Variants in KLHL13 observed in about 807,000 individuals in gnomAD.
The protein encoded by KLHL13 is kelch like family member 13, also known as kelch-like protein 13.
A neutral mutation model predicts 37.1 loss-of-function variants in KLHL13; 10 were observed. The ratio of observed to expected loss-of-function variants is 0.27; its 90% CI spans 0.17 to 0.46. KLHL13 has a LOEUF of 0.46. KLHL13 is among the 20% of genes least tolerant of loss of function. The pLI is 1.00. For missense variants in KLHL13, 360 were observed against 509.3 expected, an observed-to-expected ratio of 0.71 and a Z score of 2.82; for synonymous variants, 163 against 181.2, an observed-to-expected ratio of 0.90 and a Z score of 0.81.
intron 1 of KLHL13, among the ~76,000 whole-genome samples, chrX:117,998,179 C>T (rs967690009): frequency 9.0e-6 from 1 of 111,465 alleles, no homozygotes; most frequent in Non-Finnish European, 1.9e-5. Flanking sequence ...ACACAGAAAC[C>T]CCATGGGAAG....
intron 2 of KLHL13, among the ~76,000 whole-genome samples, chrX:117,932,885 G>T (rs1425666575): frequency 9.0e-6 from 1 of 111,011 alleles, no homozygotes; most frequent in Non-Finnish European, 1.9e-5. Context: ...GTTATATTTT[G>T]CCTTTTTTAT....
intron 1 of KLHL13, among the ~76,000 whole-genome samples, chrX:118,099,774 TCC>T: frequency 9.4e-6 from 1 of 106,869 alleles, no homozygotes; most frequent in African/African-American, 3.4e-5. Flanking sequence ...GCCACTGCAC[TCC>T]AGCCTGGGTG....
intron 1 of KLHL13, among the ~76,000 whole-genome samples, chrX:118,074,354 T>C: frequency 8.9e-6 from 1 of 112,107 alleles, no homozygotes; most frequent in East Asian, 2.8e-4. Context: ...GACATTCATG[T>C]GTATTTCACC....
At chrX:118,116,866 G>A (rs1342761744), upstream of KLHL13, 1 of 79,626 alleles carries the variant, frequency 1.3e-5, no homozygotes. Flanking sequence ...AGGGGGCAGT[G>A]GGGGGGGGAG....
intron 1 of KLHL13, among the ~76,000 whole-genome samples, chrX:118,013,042 T>C (rs2054087999): frequency 8.9e-6 from 1 of 112,289 alleles, no homozygotes; most frequent in South Asian, 3.7e-4. Context: ...TATTCATTCA[T>C]TCAGCAAATA....
chrX:117,994,739 T>C (rs2053835375), intron 1 of KLHL13, among the ~76,000 whole-genome samples: 1 of 111,956 alleles, frequency 8.9e-6, no homozygotes, highest in East Asian at 2.8e-4. Context: ...TCACATCTCG[T>C]TCAACTTTCA....
chrX:118,000,930 T>C (rs1301141261), intron 1 of KLHL13, among the ~76,000 whole-genome samples: 1 of 112,194 alleles, frequency 8.9e-6, no homozygotes, highest in Non-Finnish European at 1.9e-5. Flanking sequence ...TTCTGAAACA[T>C]ATCTTGTCTC....
chrX:117,974,332 T>C (rs1158807632), upstream of KLHL13, among the ~76,000 whole-genome samples: 1 of 112,106 alleles, frequency 8.9e-6, no homozygotes, highest in Non-Finnish European at 1.9e-5. Flanking sequence ...ATGATTGACA[T>C]GAAAGCAACT....
chrX:118,097,569 G>GA (rs748605929), intron 1 of KLHL13, among the ~76,000 whole-genome samples: 1 of 111,670 alleles, frequency 9.0e-6, no homozygotes, highest in East Asian at 2.8e-4. Flanking sequence ...CACAGAATGG[G>GA]AAAAAACTAC....
chrX:117,934,770 C>A (rs1932690000), intron 2 of KLHL13, among the ~76,000 whole-genome samples: 2 of 110,007 alleles, frequency 1.8e-5, no homozygotes, highest in Non-Finnish European at 3.8e-5. Context: ...TAAAGGATTT[C>A]TTTTTCTTTT....
chrX:118,065,499 C>T (rs1309135754), intron 1 of KLHL13, among the ~76,000 whole-genome samples: 1 of 111,161 alleles, frequency 9.0e-6, no homozygotes, highest in East Asian at 2.8e-4. Flanking sequence ...TACTATCTCT[C>T]CTGGGAATTG....
intron 1 of KLHL13, among the ~76,000 whole-genome samples, chrX:117,984,651 T>A (rs897882732): frequency 1.2e-4 from 13 of 111,477 alleles, no homozygotes; most frequent in African/African-American, 3.2e-4. Flanking sequence ...ACAGTACTAT[T>A]TGAAAGTATA....
intron 1 of KLHL13, among the ~76,000 whole-genome samples, chrX:118,095,191 G>A (rs375364196): frequency 9.0e-6 from 1 of 110,709 alleles, no homozygotes; most frequent in East Asian, 2.8e-4. Context: ...AAGGGATGGA[G>A]GAAGATCTAC....
chrX:118,006,258 T>G (rs1451177575), intron 1 of KLHL13, among the ~76,000 whole-genome samples: 2 of 111,954 alleles, frequency 1.8e-5, no homozygotes, highest in South Asian at 7.5e-4. Context: ...GTTCATCACA[T>G]GGACTGTACA....
At chrX:117,955,299 C>T (rs1414387978) in intron 1 of KLHL13, among the ~76,000 whole-genome samples, 1 of 111,508 alleles carries the variant, frequency 9.0e-6, no homozygotes, top group Non-Finnish European at 1.9e-5. Context: ...TAATTCATGA[C>T]CAGGTCTTAA....
In KLHL13 at chrX:117,929,576, T is replaced by C. The variant is rs756243874; in HGVS notation, c.241-9206A>G. ...CTAACAGACTGAAAAAGAAAAATGC[T>C]AAGATCATTTCTTAATGACTACAGA... On this transcript the variant is annotated intron_variant, in intron 2 of 6. Coordinates refer to ENST00000262820, the Ensembl canonical transcript of KLHL13. 4.1e-4 allele frequency among the ~76,000 whole-genome samples: 45 copies of C among 110,313 alleles called. No homozygotes were observed. In the East Asian group the frequency reaches 0.011, roughly 28 times the overall value.
intron 1 of KLHL13, among the ~76,000 whole-genome samples, chrX:118,036,379 C>T (rs1040078967): frequency 2.7e-5 from 3 of 111,726 alleles, no homozygotes; most frequent in African/African-American, 9.8e-5. Context: ...CAGCATGGTG[C>T]TGGTACCAAA....
chrX:117,949,321 G>GT (rs1257751852), intron 1 of KLHL13, among the ~76,000 whole-genome samples: 9 of 110,428 alleles, frequency 8.2e-5, no homozygotes, highest in African/African-American at 9.9e-5. Context: ...GACAAATGTG[G>GT]TTTTTTTTTA....
intron 1 of KLHL13, among the ~76,000 whole-genome samples, chrX:118,032,925 T>C (rs752088514): frequency 9.0e-6 from 1 of 111,211 alleles, no homozygotes; most frequent in Non-Finnish European, 1.9e-5. Context: ...AACCAAGGCT[T>C]GAGAACTACG....
Sources: allele counts gnomAD v4.1 joint callset (sites outside exome capture counted in the v4.1 genomes callset), GRCh38; gene constraint gnomAD v4.1.1; transcripts MANE v1.5; gene names NCBI Gene and HGNC (gene_info 2026-07-23, HGNC 2026-07-21).